MYO9A: variants seen among roughly 807,000 people sequenced by gnomAD.
MYO9A encodes unconventional myosin-IXa.
In MYO9A, 103 loss-of-function variants were observed where a neutral mutation model predicts 293.3. That is an observed-to-expected ratio of 0.35 (90% CI 0.30 to 0.41). MYO9A has a LOEUF of 0.41. Ranked by LOEUF, MYO9A falls within the 10% of genes least tolerant of loss-of-function variation. The probability of loss-of-function intolerance (pLI) is 1.00; values close to 1 mark genes in which losing one functional copy is unlikely to be tolerated. For synonymous variants in MYO9A, 1,001 were observed against 1,035.7 expected (o/e 0.97, Z 0.64); for missense variants, 2,685 against 3,033.0 (o/e 0.89, Z 2.69).
chr15:72,028,647 C>CAA lies in MYO9A; in HGVS notation c.936-856_936-855dup, dbSNP rs200894392. 1.8e-4 allele frequency among the ~76,000 whole-genome samples: 24 copies of CAA among 132,880 alleles called. 1 individual carries two copies. The highest frequency in any genetic ancestry group is 6.6e-4 in the African/African-American group (24 of 36,280). The allele number at this position is 132,880 out of a possible 152,430, so 87.2% of individuals were successfully genotyped here. On this transcript the variant is annotated intron_variant, in intron 3 of 41. Transcript: ENST00000356056. ...GGGCAACAAGAGCAAAACTTCGTCTCAAAAAAAAAAAAAGAAGTTTAAAAC... is the reference window on the plus strand; with the variant it reads ...GGGCAACAAGAGCAAAACTTCGTCTCAAAAAAAAAAAAAAAGAAGTTTAAAAC...
chr15:72,110,435 CAA>C (rs397854173), intron 1 of MYO9A, among the ~76,000 whole-genome samples: 3,317 of 44,652 alleles, frequency 0.074, 32 homozygotes, highest in East Asian at 0.22. Context: ...GACTCCATCT[CAA>C]AAAAAAAAAA....
chr15:72,087,998 G>A (rs982710421), intron 1 of MYO9A, among the ~76,000 whole-genome samples: 14 of 152,200 alleles, frequency 9.2e-5, no homozygotes, highest in African/African-American at 3.1e-4. Flanking sequence ...TAGGATGGGT[G>A]TCCTTGTAAG....
intron 1 of MYO9A, among the ~76,000 whole-genome samples, chr15:72,072,120 G>A (rs1300190120): frequency 1.4e-5 from 2 of 146,982 alleles, no homozygotes; most frequent in Non-Finnish European, 3.0e-5. Context: ...AGAGAAAAAA[G>A]ATACCTACAT....
Position 72,045,906 on chromosome 15 carries a change from C to T in MYO9A, c.658G>A (p.Asp220Asn), listed in dbSNP as rs1391467692. Residue 220 changes from aspartate to asparagine, a missense_variant, in exon 2 of 42, where the codon GAT becomes AAT. This residue lies in a region of MYO9A where 289 missense variants were observed against 456.8 expected (regional missense o/e 0.63). Transcript: ENST00000356056. ...TGAAGCATGGCATGATAAGCTACATCAGCCACAGCATAAATGTGGGGCTCA... is the reference window on the plus strand; with the variant it reads ...TGAAGCATGGCATGATAAGCTACATTAGCCACAGCATAAATGTGGGGCTCA... The part of the protein sequence containing the change: ...KLEPHIYAVA[D>N]VAYHAMLQRK... 3 of 1,614,132 alleles carry T rather than the reference C, an allele frequency of 1.9e-6. No individual in the cohort carries two copies. In the East Asian group the frequency reaches 6.7e-5, roughly 36 times the overall value.
intron 4 of MYO9A, among the ~76,000 whole-genome samples, chr15:72,027,452 G>C (rs1469807003): frequency 1.3e-5 from 2 of 152,124 alleles, no homozygotes; most frequent in South Asian, 2.1e-4. Context: ...GGAAATGGGA[G>C]CAAAGTCCCA....
chr15:72,053,147 C>A (rs2078618239), intron 1 of MYO9A, among the ~76,000 whole-genome samples: 1 of 152,130 alleles, frequency 6.6e-6, no homozygotes, highest in South Asian at 2.1e-4. Flanking sequence ...CGCCTATAAT[C>A]CCAGCACTTT....
chr15:71,933,055 C>T (rs775378914), intron 18 of MYO9A, among the ~76,000 whole-genome samples: 2 of 152,020 alleles, frequency 1.3e-5, no homozygotes, highest in African/African-American at 2.4e-5. Context: ...GGGGCAAGTA[C>T]TGCTCACCAA....
chr15:71,891,064 A>C (rs1389672872), intron 26 of MYO9A: 6 of 152,122 alleles, frequency 3.9e-5, no homozygotes, highest in African/African-American at 1.4e-4. Flanking sequence ...GTTCCTACCC[A>C]CCCCATCCCC....
intron 1 of MYO9A, among the ~76,000 whole-genome samples, chr15:72,057,736 T>A (rs2078761878): frequency 6.6e-6 from 1 of 152,158 alleles, no homozygotes; most frequent in Admixed American, 6.5e-5. Flanking sequence ...CCTGAATGCA[T>A]AAAAGAAGGC....
At chr15:71,838,276 T>C (rs2055017516) in intron 39 of MYO9A, among the ~76,000 whole-genome samples, 1 of 152,148 alleles carries the variant, frequency 6.6e-6, no homozygotes, top group African/African-American at 2.4e-5. Context: ...GGTACGTCAC[T>C]TCCCTTTTAC....
chr15:71,939,129 G>A lies in MYO9A; in HGVS notation c.2303-202C>T, dbSNP rs1339462487. ...GAACCCAATTAGAAAATTTAATAATGAAATATTTTCTTCTTTCATTGAATC... is the reference window on the plus strand; with the variant it reads ...GAACCCAATTAGAAAATTTAATAATAAAATATTTTCTTCTTTCATTGAATC... On this transcript the variant is annotated intron_variant, in intron 15 of 41. Transcript: ENST00000356056. 6.2e-6 allele frequency: 3 copies of A among 486,990 alleles called. No individual in the cohort carries two copies. In the East Asian group the frequency reaches 1.0e-4, roughly 17 times the overall value. The allele number at this position is 486,990 out of a possible 1,614,324, so 30.2% of individuals were successfully genotyped here.
chr15:71,826,756 CT>C lies in MYO9A; in HGVS notation c.7470del (p.Gly2491GlufsTer12). The C allele has an allele frequency of 6.2e-7, 1 of 1,614,114 alleles. No homozygotes were observed. The highest frequency in any genetic ancestry group is 8.5e-7 in the Non-Finnish European group (1 of 1,180,000). On this transcript the variant is annotated frameshift_variant, in exon 42 of 42. Transcript: ENST00000356056. LOFTEE classifies it high-confidence loss of function. ...TTGCCCTTTTCCGGGTTGAAGGTTC[CT>C]CTGCTGATGAACTGAGGCTTGTCTT... ...FLEDKPQFIS[R>X]GTFNPEKGKQ...
intron 8 of MYO9A, among the ~76,000 whole-genome samples, chr15:72,003,617 T>C (rs2076934465): frequency 1.4e-5 from 2 of 147,704 alleles, no homozygotes; most frequent in Non-Finnish European, 3.0e-5. Context: ...GGCAGGAGAA[T>C]GGCGTGAACC....
At chr15:72,087,534 C>T (rs1267370121) in intron 1 of MYO9A, among the ~76,000 whole-genome samples, 1 of 152,186 alleles carries the variant, frequency 6.6e-6, no homozygotes, top group Non-Finnish European at 1.5e-5. Flanking sequence ...TCAACTCACC[C>T]GTTTCCCTGG....
At chr15:71,861,968 T>C (rs769442589) in intron 33 of MYO9A, among the ~76,000 whole-genome samples, 2 of 152,076 alleles carry the variant, frequency 1.3e-5, no homozygotes, top group Non-Finnish European at 2.9e-5. Flanking sequence ...CTGTCTCTAC[T>C]AAAAACACAA....
At chr15:72,006,914 T>C (rs2077033579) in intron 8 of MYO9A, among the ~76,000 whole-genome samples, 1 of 152,146 alleles carries the variant, frequency 6.6e-6, no homozygotes, top group Admixed American at 6.5e-5. Context: ...GGTTAACAAT[T>C]TTGATACCAC....
Position 71,914,820 on chromosome 15 carries a change from A to G in MYO9A, c.2685+1550T>C, listed in dbSNP as rs537179887. 9.8e-5 allele frequency among the ~76,000 whole-genome samples: 15 copies of G among 152,318 alleles called. 1 individual carries two copies. In the South Asian group the frequency reaches 3.1e-3, roughly 32 times the overall value. ...AATATGTAAATTTGGAAGGATTTTA[A>G]AAGACACAATAGGATTGTGATTATA... On this transcript the variant is annotated intron_variant, in intron 19 of 41. Coordinates refer to ENST00000356056, the MANE Select transcript of MYO9A (RefSeq NM_006901.4).
chr15:71,985,325 T>A (rs771369082), intron 11 of MYO9A, among the ~76,000 whole-genome samples: 1 of 152,210 alleles, frequency 6.6e-6, no homozygotes, highest in Non-Finnish European at 1.5e-5. Flanking sequence ...AGATCCTGTA[T>A]ATGAAAAATT....
chr15:71,924,078 T>G (rs890985365), intron 18 of MYO9A, among the ~76,000 whole-genome samples: 46 of 151,928 alleles, frequency 3.0e-4, no homozygotes, highest in Non-Finnish European at 1.5e-5. Context: ...TTTTTTAATT[T>G]CCCTTTTAGT....
Sources: allele counts gnomAD v4.1 joint callset (sites outside exome capture counted in the v4.1 genomes callset), GRCh38; gene constraint gnomAD v4.1.1; regional missense constraint gnomAD v4.1.1; transcripts MANE v1.5; gene names NCBI Gene and HGNC (gene_info 2026-07-23, HGNC 2026-07-21).